Variants in PPIG observed in about 807,000 individuals in gnomAD.
PPIG encodes peptidylprolyl isomerase G, also known as peptidyl-prolyl cis-trans isomerase G.
PPIG carries 26 observed loss-of-function variants against 87.9 expected under a neutral mutation model. The ratio of observed to expected loss-of-function variants is 0.30; its 90% CI spans 0.22 to 0.41. The LOEUF (loss-of-function observed/expected upper bound fraction) is 0.41, where lower values mean the gene tolerates loss of function less well. PPIG is among the 10% of genes least tolerant of loss of function. The probability of loss-of-function intolerance (pLI) is 1.00; values close to 1 mark genes in which losing one functional copy is unlikely to be tolerated. For synonymous variants in PPIG, 308 were observed against 276.5 expected, an observed-to-expected ratio of 1.11 and a Z score of -1.13; for missense variants, 722 against 879.4, an observed-to-expected ratio of 0.82 and a Z score of 2.26.
chr2:169,640,106 T>G lies in PPIG; in HGVS notation c.*2583T>G, dbSNP rs1686276504. The G allele has an allele frequency of 6.6e-6, 1 of 152,158 alleles. No homozygotes were observed. The highest frequency in any genetic ancestry group is 6.6e-5 in the Admixed American group (1 of 15,256). 9.4% of individuals were successfully genotyped at this position (152,158 alleles called of 1,614,324 possible). ...TATGGTGAGATTAATGTTAATGAAA[T>G]GAGCAGTAGAGAAGCTACTGGATTG... On this transcript the variant is annotated 3_prime_UTR_variant, in exon 14 of 14. Transcript: ENST00000260970.
chr2:169,613,004 T>C (rs1574452200), intron 7 of PPIG, among the ~76,000 whole-genome samples: 1 of 152,218 alleles, frequency 6.6e-6, no homozygotes, highest in Admixed American at 6.5e-5. Flanking sequence ...AGCACACTTA[T>C]TTGCCACACT....
rs766996917 is a variant in PPIG, at chr2:169,637,227, A to G, written c.1969A>G (p.Asn657Asp). ...GAGTAAGAGCTCACACAGAAAAGAA[A>G]ATTCTGAGAGTGAGAAAAGAATGTA... ...QESKSSHRKENSESEKRMYSK... is the reference protein window; with the variant it reads ...QESKSSHRKEDSESEKRMYSK... The change falls in exon 14 of 14, where the codon AAT (asparagine) becomes GAT (aspartate). Residue 657 changes from asparagine to aspartate, a missense_variant. This residue lies in a region of PPIG where 476 missense variants were observed against 483.1 expected (regional missense o/e 0.99). Transcript: ENST00000260970. 1 of 1,613,468 alleles carries G rather than the reference A, an allele frequency of 6.2e-7. No homozygotes were observed. The highest frequency in any genetic ancestry group is 1.7e-5 in the Admixed American group (1 of 59,930).
intron 4 of PPIG, 71 bp downstream of exon 4, chr2:169,604,332 T>A: frequency 3.9e-6 from 3 of 777,558 alleles, no homozygotes; most frequent in Admixed American, 6.6e-5. Flanking sequence ...GCTTGGTTTT[T>A]TTTTTTTTTT....
chr2:169,629,096 T>C (rs1290221445), intron 9 of PPIG, among the ~76,000 whole-genome samples: 1 of 152,132 alleles, frequency 6.6e-6, no homozygotes, highest in Non-Finnish European at 1.5e-5. Flanking sequence ...AACCAACAGA[T>C]AATCCAAAGA....
At chr2:169,608,954 GAC>G (rs1685410828) in intron 7 of PPIG, among the ~76,000 whole-genome samples, 196 bp downstream of exon 7, 1 of 151,776 alleles carries the variant, frequency 6.6e-6, no homozygotes, top group East Asian at 2.0e-4. Flanking sequence ...CATGGTGTCG[GAC>G]GCCTGTAGTC....
At chr2:169,600,048 G>A (rs1180160867) in intron 1 of PPIG, among the ~76,000 whole-genome samples, 3 of 151,668 alleles carry the variant, frequency 2.0e-5, no homozygotes, top group African/African-American at 7.3e-5. Flanking sequence ...ATTTTGTGGG[G>A]AGGTACACAT....
At chr2:169,593,568 T>A (rs1427847717) in intron 1 of PPIG, among the ~76,000 whole-genome samples, 1 of 152,192 alleles carries the variant, frequency 6.6e-6, no homozygotes, top group Non-Finnish European at 1.5e-5. Context: ...TCTTTTTTTG[T>A]CTTCTTGTAA....
intron 12 of PPIG, 55 bp from the exon 13 acceptor site, chr2:169,636,037 G>A (rs1686172732): frequency 1.9e-5 from 27 of 1,402,776 alleles, no homozygotes; most frequent in Non-Finnish European, 2.6e-5. Flanking sequence ...CAGCACCCAT[G>A]CGAGTCCCTC....
Position 169,636,593 on chromosome 2 carries a change from T to TTGGG in PPIG, c.1335_1336insTGGG (p.Asp446TrpfsTer5). 6.3e-7 allele frequency: 1 copy of TTGGG among 1,595,278 alleles called. No individual in the cohort carries two copies. Among genetic ancestry groups the TTGGG allele is most frequent in the Non-Finnish European group, 8.5e-7 (1 of 1,175,112 alleles). ...ACATCAGAAGAAATTCAGAAAAAGA[T>TTGGG]GACAAGTATAAAAACAAAGTGAAGA... On this transcript the variant is annotated frameshift_variant, in exon 14 of 14. Transcript: ENST00000260970. LOFTEE classifies it high-confidence loss of function.
intron 9 of PPIG, among the ~76,000 whole-genome samples, chr2:169,619,628 C>T (rs145803254): frequency 2.4e-3 from 366 of 152,084 alleles, no homozygotes; most frequent in African/African-American, 8.5e-3. Context: ...ATGTAATGCC[C>T]TCTTTCTGTT....
Position 169,637,251 on chromosome 2 carries a change from T to G in PPIG, c.1993T>G (p.Tyr665Asp), listed in dbSNP as rs1230558572. 1.2e-6 allele frequency: 2 copies of G among 1,613,326 alleles called. No individual in the cohort carries two copies. The highest frequency in any genetic ancestry group is 1.7e-6 in the Non-Finnish European group (2 of 1,179,916). Reference protein sequence around the residue: ...KENSESEKRMYSKSRDHNSSN... With the variant: ...KENSESEKRMDSKSRDHNSSN... ...AAATTCTGAGAGTGAGAAAAGAATG[T>G]ACTCTAAAAGTCGTGATCATAATAG... is the stretch of plus-strand genomic sequence containing the variant. The change falls in exon 14 of 14, where the codon TAC (tyrosine) becomes GAC (aspartate). Residue 665 changes from tyrosine (Y) to aspartate (D), a missense_variant. Tyr to Asp is a radical substitution (Grantham distance 160). Coordinates refer to ENST00000260970, the MANE Select transcript of PPIG (RefSeq NM_004792.3).
At chr2:169,601,967 T>C (rs2683431) in intron 1 of PPIG, among the ~76,000 whole-genome samples, 61,189 of 151,754 alleles carry the variant, frequency 0.4, 12,993 homozygotes, top group East Asian at 0.58. Context: ...ATAGTTTGGT[T>C]GTACAAGTTG....
chr2:169,635,262 A>G (rs1381210319), intron 12 of PPIG, among the ~76,000 whole-genome samples: 6 of 152,152 alleles, frequency 3.9e-5, no homozygotes, highest in African/African-American at 1.4e-4. Flanking sequence ...CAAAATAACT[A>G]CAATGGCCTA....
chr2:169,632,557 T>C (rs1033614963), intron 11 of PPIG, among the ~76,000 whole-genome samples: 1 of 151,688 alleles, frequency 6.6e-6, no homozygotes, highest in African/African-American at 2.4e-5. Context: ...CTGGCTAACA[T>C]GGTGAAACCC....
chr2:169,604,758 C>T (rs1294562880), intron 4 of PPIG, among the ~76,000 whole-genome samples: 7 of 151,724 alleles, frequency 4.6e-5, no homozygotes, highest in Non-Finnish European at 2.9e-5. Flanking sequence ...CCTGTAGTCC[C>T]AGCTATTTGG....
chr2:169,618,686 G>T (rs140652476), intron 9 of PPIG, among the ~76,000 whole-genome samples: 100 of 152,248 alleles, frequency 6.6e-4, no homozygotes, highest in Non-Finnish European at 1.3e-3. Context: ...ATTTCTATGG[G>T]ATCAGTGGTG....
chr2:169,636,362 T>C, intron 13 of PPIG, 51 bp from the exon 14 acceptor site: 2 of 1,479,614 alleles, frequency 1.4e-6, no homozygotes, highest in Non-Finnish European at 1.8e-6. Context: ...TAATAATATC[T>C]ACAGTTCTTT....
intron 12 of PPIG, 78 bp from the exon 13 acceptor site, chr2:169,636,014 C>G: frequency 3.2e-4 from 338 of 1,072,124 alleles, no homozygotes; most frequent in Non-Finnish European, 4.1e-4. Context: ...CACCCCAGTA[C>G]TTCCCTCCCT....
chr2:169,635,267 G>C (rs1686152298), intron 12 of PPIG, among the ~76,000 whole-genome samples: 1 of 151,978 alleles, frequency 6.6e-6, no homozygotes, highest in African/African-American at 2.4e-5. Flanking sequence ...TAACTACAAT[G>C]GCCTATGACA....
Sources: allele counts gnomAD v4.1 joint callset (sites outside exome capture counted in the v4.1 genomes callset), GRCh38; gene constraint gnomAD v4.1.1; regional missense constraint gnomAD v4.1.1; transcripts MANE v1.5; gene names NCBI Gene and HGNC (gene_info 2026-07-23, HGNC 2026-07-21).